The following FAM168A variants were observed in gnomAD, a reference collection of about 807,000 sequenced individuals.
FAM168A encodes family with sequence similarity 168 member A, also known as protein FAM168A.
In FAM168A, 3 loss-of-function variants were observed where a neutral mutation model predicts 28.5. The ratio of observed to expected loss-of-function variants is 0.11; its 90% CI spans 0.05 to 0.27. The LOEUF is 0.27. Ranked by LOEUF, FAM168A falls within the 10% of genes least tolerant of loss-of-function variation. The probability of loss-of-function intolerance (pLI) is 1.00; values close to 1 mark genes in which losing one functional copy is unlikely to be tolerated. For missense variants in FAM168A, 222 were observed against 311.5 expected (o/e 0.71, Z 2.16); for synonymous variants, 122 against 124.2 (o/e 0.98, Z 0.12).
chr11:73,429,099 G>A (rs999897126), intron 3 of FAM168A, among the ~76,000 whole-genome samples: 1 of 152,148 alleles, frequency 6.6e-6, no homozygotes, highest in Non-Finnish European at 1.5e-5. Flanking sequence ...GTTCTGATAG[G>A]TCAGGTGACT....
intron 1 of FAM168A, among the ~76,000 whole-genome samples, chr11:73,508,942 A>G (rs553634519): frequency 1.2e-4 from 19 of 152,212 alleles, no homozygotes; most frequent in Non-Finnish European, 2.2e-4. Flanking sequence ...ATGGCTTTAT[A>G]AAGGGCAGTT....
intron 2 of FAM168A, among the ~76,000 whole-genome samples, chr11:73,447,552 T>C (rs192260552): frequency 1.4e-5 from 2 of 140,282 alleles, no homozygotes; most frequent in East Asian, 4.0e-4. Context: ...TGTAAGACCC[T>C]GTCTCAAAAA....
intron 1 of FAM168A, among the ~76,000 whole-genome samples, chr11:73,592,342 T>C (rs1027453659): frequency 1.3e-5 from 2 of 152,234 alleles, no homozygotes; most frequent in Non-Finnish European, 2.9e-5. Context: ...GTTAAACTTT[T>C]AGATAAACAT....
At chr11:73,416,945 C>CA (rs1311654447) in intron 4 of FAM168A, among the ~76,000 whole-genome samples, 1 of 143,270 alleles carries the variant, frequency 7.0e-6, no homozygotes, top group South Asian at 2.4e-4. Context: ...GACCTTGTCT[C>CA]AAAAAAAAGG....
chr11:73,485,130 C>A (rs1868036518), intron 1 of FAM168A, among the ~76,000 whole-genome samples: 1 of 152,174 alleles, frequency 6.6e-6, no homozygotes, highest in East Asian at 1.9e-4. Context: ...TATTAACCAT[C>A]ACTTTTATTT....
At chr11:73,533,318 T>C (rs1943537377) in intron 1 of FAM168A, among the ~76,000 whole-genome samples, 1 of 152,178 alleles carries the variant, frequency 6.6e-6, no homozygotes, top group South Asian at 2.1e-4. Flanking sequence ...GCAACCCAAT[T>C]ACCTTGTCTT....
At chr11:73,554,646 T>C (rs1943868876) in intron 1 of FAM168A, among the ~76,000 whole-genome samples, 1 of 152,202 alleles carries the variant, frequency 6.6e-6, no homozygotes, top group Admixed American at 6.5e-5. Context: ...CAGGATTAAT[T>C]AAGATCATTA....
chr11:73,485,629 A>T (rs533128605), intron 1 of FAM168A, among the ~76,000 whole-genome samples: 1 of 152,178 alleles, frequency 6.6e-6, no homozygotes, highest in South Asian at 2.1e-4. Context: ...TTTCCCCTTC[A>T]CTGATAATCT....
chr11:73,567,812 G>C (rs993805626), intron 1 of FAM168A, among the ~76,000 whole-genome samples: 4 of 152,026 alleles, frequency 2.6e-5, no homozygotes, highest in African/African-American at 9.7e-5. Context: ...AGCTATCATT[G>C]AGAATGCAGA....
chr11:73,474,406 C>G (rs114770816), intron 1 of FAM168A, among the ~76,000 whole-genome samples: 2 of 151,958 alleles, frequency 1.3e-5, no homozygotes, highest in African/African-American at 4.8e-5. Context: ...GGCACAGTTA[C>G]GGCACACTAC....
At chr11:73,572,410 A>G (rs1944111303) in intron 1 of FAM168A, among the ~76,000 whole-genome samples, 1 of 152,126 alleles carries the variant, frequency 6.6e-6, no homozygotes, top group African/African-American at 2.4e-5. Context: ...CCATGATGAC[A>G]ATGGCGGTTT....
intron 1 of FAM168A, among the ~76,000 whole-genome samples, chr11:73,484,875 TCA>T (rs1868033149): frequency 6.6e-6 from 1 of 151,782 alleles, no homozygotes; most frequent in Non-Finnish European, 1.5e-5. Flanking sequence ...AGTCCGATGT[TCA>T]AGGACAGGAA....
At chr11:73,571,933 G>A (rs1944095930) in intron 1 of FAM168A, among the ~76,000 whole-genome samples, 1 of 150,230 alleles carries the variant, frequency 6.7e-6, no homozygotes, top group Non-Finnish European at 1.5e-5. Flanking sequence ...GAGCGCCTCT[G>A]CCCAGCCACG....
intron 1 of FAM168A, among the ~76,000 whole-genome samples, chr11:73,544,663 ATTATATATAATTATATATAATTATATATT>A (rs1565291288): frequency 1.6e-5 from 2 of 129,008 alleles, no homozygotes. Context: ...AATTACATAT[ATTATATATAATTATATATAATTATATATT>A]TTATATGTAA....
intron 4 of FAM168A, among the ~76,000 whole-genome samples, chr11:73,415,590 GA>G (rs1170485123): frequency 6.6e-6 from 1 of 152,224 alleles, no homozygotes; most frequent in Admixed American, 6.5e-5. Context: ...AGACTTTCAT[GA>G]GGAAATCATT....
intron 1 of FAM168A, among the ~76,000 whole-genome samples, chr11:73,573,986 A>G (rs1944140559): frequency 6.6e-6 from 1 of 151,890 alleles, no homozygotes; most frequent in African/African-American, 2.4e-5. Flanking sequence ...GGGGCAGGGC[A>G]TGGCGTTGCA....
intron 1 of FAM168A, among the ~76,000 whole-genome samples, chr11:73,570,323 A>AGT (rs561676573): frequency 1.1e-3 from 168 of 152,286 alleles, no homozygotes; most frequent in African/African-American, 3.9e-3. Context: ...CATAAAACAC[A>AGT]GTGTTAGCTA....
rs574482387 is a variant in FAM168A, at chr11:73,433,069, G to A, written c.71-2299C>T. ...TAGGCCTACAGGTGCGTGCCACCAC[G>A]CCCCGCCTTTTTTTTTTTTTTTTTT... On this transcript the variant is annotated intron_variant, in intron 2 of 7. Coordinates refer to ENST00000356467, the MANE Select transcript of FAM168A (RefSeq NM_015159.3). Among the ~76,000 whole-genome samples, 222 of 123,980 alleles carry A rather than the reference G, an allele frequency of 1.8e-3. 2 individuals carry two copies. Among genetic ancestry groups the A allele is most frequent in the African/African-American group, 7.4e-3 (212 of 28,702 alleles). The allele number at this position is 123,980 out of a possible 152,430, so 81.3% of individuals were successfully genotyped here.
chr11:73,492,539 G>A (rs764650267), intron 1 of FAM168A, among the ~76,000 whole-genome samples: 5 of 152,138 alleles, frequency 3.3e-5, no homozygotes, highest in Non-Finnish European at 5.9e-5. Flanking sequence ...CTACACGGGG[G>A]GCTGAGGCAG....
Sources: allele counts gnomAD v4.1 joint callset (sites outside exome capture counted in the v4.1 genomes callset), GRCh38; gene constraint gnomAD v4.1.1; transcripts MANE v1.5; gene names NCBI Gene and HGNC (gene_info 2026-07-23, HGNC 2026-07-21).